Variants in PLS1 observed in about 807,000 individuals in gnomAD.
PLS1 encodes the protein plastin 1, also known as plastin-1.
Under a neutral mutation model 73.7 loss-of-function variants are expected in PLS1, and 32 were observed. The observed-to-expected ratio is 0.43, with a 90% CI of 0.33 to 0.58. The LOEUF (loss-of-function observed/expected upper bound fraction) is 0.58. Ranked by LOEUF, PLS1 falls within the 20% of genes least tolerant of loss-of-function variation. The pLI, the probability that PLS1 is intolerant of heterozygous loss-of-function variation, is 0.04. For synonymous variants in PLS1, 217 were observed against 261.3 expected, an observed-to-expected ratio of 0.83 and a Z score of 1.63; for missense variants, 633 against 740.5, an observed-to-expected ratio of 0.85 and a Z score of 1.68.
At chr3:142,672,924 AT>A (rs58199967) in intron 4 of PLS1, among the ~76,000 whole-genome samples, 1,703 of 152,096 alleles carry the variant, frequency 0.011, 38 homozygotes, top group African/African-American at 0.039. Context: ...GTCACTCCCC[AT>A]TTCCCTCTTC....
At chr3:142,604,994 G>C (rs2035993995) in intron 1 of PLS1, among the ~76,000 whole-genome samples, 1 of 151,984 alleles carries the variant, frequency 6.6e-6, no homozygotes, top group Non-Finnish European at 1.5e-5. Flanking sequence ...GAAAATCTCT[G>C]AATGTTTAGT....
chr3:142,636,527 A>G (rs936547142), intron 1 of PLS1, among the ~76,000 whole-genome samples: 3 of 152,234 alleles, frequency 2.0e-5, no homozygotes, highest in African/African-American at 7.2e-5. Flanking sequence ...TAAAAATTTC[A>G]AAGATACAAC....
At chr3:142,635,685 C>T (rs905076019) in intron 1 of PLS1, among the ~76,000 whole-genome samples, 8 of 152,082 alleles carry the variant, frequency 5.3e-5, no homozygotes, top group African/African-American at 1.7e-4. Flanking sequence ...CAAAATCAAT[C>T]CTTAGGTTTA....
In PLS1 at chr3:142,686,268, A is replaced by T. The variant is rs1386186949; in HGVS notation, c.889-16A>T. The T allele has an allele frequency of 1.4e-6, 2 of 1,472,730 alleles. No homozygotes were observed. The highest frequency in any genetic ancestry group is 2.3e-5 in the South Asian group (2 of 86,358). The allele number at this position is 1,472,730 out of a possible 1,614,324, so 91.2% of individuals were successfully genotyped here. On this transcript the variant is annotated splice_polypyrimidine_tract_variant and intron_variant, in intron 8 of 15. Transcript: ENST00000457734. ...TTATTCGTTTTAAAAATGCTATTTCATATCTTTCCTTGAAGGACTCGAGAG... is the reference window on the plus strand; with the variant it reads ...TTATTCGTTTTAAAAATGCTATTTCTTATCTTTCCTTGAAGGACTCGAGAG...
chr3:142,647,909 G>A (rs980249709), intron 1 of PLS1, among the ~76,000 whole-genome samples: 1 of 152,128 alleles, frequency 6.6e-6, no homozygotes, highest in African/African-American at 2.4e-5. Context: ...CTGTGTGGAG[G>A]ACTGTGTTGA....
At chr3:142,701,041 T>G (rs2038321513) in intron 12 of PLS1, among the ~76,000 whole-genome samples, 2 of 152,232 alleles carry the variant, frequency 1.3e-5, no homozygotes, top group African/African-American at 4.8e-5. Flanking sequence ...CCTCTTTTTC[T>G]TCCCAGTCTT....
chr3:142,615,919 G>T (rs368648829), intron 1 of PLS1, among the ~76,000 whole-genome samples: 27 of 152,288 alleles, frequency 1.8e-4, no homozygotes, highest in African/African-American at 6.3e-4. Flanking sequence ...CAGACTTTTC[G>T]TCTCCATTCC....
chr3:142,658,393 T>C (rs1050449622), intron 1 of PLS1, among the ~76,000 whole-genome samples: 7 of 151,702 alleles, frequency 4.6e-5, no homozygotes, highest in African/African-American at 1.7e-4. Flanking sequence ...GGAAAATTGC[T>C]TAAACCTGGG....
chr3:142,696,739 AATAATAATAATAATAATAAT>A (rs2038216023), intron 11 of PLS1, among the ~76,000 whole-genome samples: 1 of 148,366 alleles, frequency 6.7e-6, no homozygotes, highest in African/African-American at 2.5e-5. Flanking sequence ...TAATAATAAT[AATAATAATAATAATAATAAT>A]ACCATACTAG....
intron 9 of PLS1, among the ~76,000 whole-genome samples, chr3:142,688,909 A>G (rs575653881): frequency 6.6e-6 from 1 of 152,052 alleles, no homozygotes; most frequent in Non-Finnish European, 1.5e-5. Flanking sequence ...CTTGTTTTTC[A>G]TCAAGAAGAG....
chr3:142,708,407 C>T, intron 14 of PLS1, among the ~76,000 whole-genome samples: 1 of 152,114 alleles, frequency 6.6e-6, no homozygotes, highest in Non-Finnish European at 1.5e-5. Flanking sequence ...CCATCACGCC[C>T]AATTAATTTT....
intron 1 of PLS1, among the ~76,000 whole-genome samples, chr3:142,635,454 T>C (rs1353463448): frequency 6.8e-6 from 1 of 146,900 alleles, no homozygotes. Flanking sequence ...AAAAAAAAAA[T>C]TAGCTGGGCA....
rs567002742 is a variant in PLS1, at chr3:142,703,735, T to G, written c.1372-133T>G. 5.0e-6 allele frequency: 3 copies of G among 601,074 alleles called. No homozygotes were observed. The South Asian group carries it at 7.1e-5, about 14-fold the overall frequency. The allele number at this position is 601,074 out of a possible 1,614,324, so 37.2% of individuals were successfully genotyped here. On this transcript the variant is annotated intron_variant, in intron 12 of 15. Coordinates refer to ENST00000457734, the MANE Select transcript of PLS1 (RefSeq NM_001145319.2). ...AATTATGTCCTTGCTTTCCCTGGGT[T>G]ATTATTATGAAATTGGTCATATAAA... is the stretch of plus-strand genomic sequence containing the variant.
rs1239383378 is a variant in PLS1 at position 142,600,078 on chromosome 3, C to T, written c.-37+3569C>T. On this transcript the variant is annotated intron_variant, in intron 1 of 15. Transcript: ENST00000457734. ...AGATTAATTTGAGTTGGTAGCAAGA[C>T]ACTCCAGTTCAAGATGTTCTGTGGA... 2.6e-5 allele frequency among the ~76,000 whole-genome samples: 4 copies of T among 152,158 alleles called. No individual in the cohort carries two copies. The East Asian group carries it at 7.7e-4, about 29-fold the overall frequency.
chr3:142,625,051 G>A (rs2036393211), intron 1 of PLS1, among the ~76,000 whole-genome samples: 2 of 152,124 alleles, frequency 1.3e-5, no homozygotes. Context: ...TGTTACTAAT[G>A]GTTTGGCCTT....
At chr3:142,697,416 A>T (rs2038234499) in intron 11 of PLS1, among the ~76,000 whole-genome samples, 1 of 152,112 alleles carries the variant, frequency 6.6e-6, no homozygotes, top group African/African-American at 2.4e-5. Context: ...AAAACATTCC[A>T]CCCTTACTCT....
intron 5 of PLS1, 82 bp from the exon 6 acceptor site, chr3:142,677,950 T>G: frequency 1.6e-6 from 1 of 634,134 alleles, no homozygotes; most frequent in East Asian, 3.3e-5. Context: ...TTTTCAAAAT[T>G]TATCTATTTT....
chr3:142,658,939 G>T (rs1406508735), intron 1 of PLS1, among the ~76,000 whole-genome samples: 1 of 152,070 alleles, frequency 6.6e-6, no homozygotes, highest in Non-Finnish European at 1.5e-5. Flanking sequence ...TAAGAACTTG[G>T]GCACTAGAAA....
intron 12 of PLS1, 126 bp downstream of exon 12, chr3:142,698,193 T>A: frequency 3.5e-6 from 2 of 579,146 alleles, no homozygotes; most frequent in Non-Finnish European, 6.1e-6. Flanking sequence ...GTGTTAAGCT[T>A]AATAGCCTTT....
Sources: allele counts gnomAD v4.1 joint callset (sites outside exome capture counted in the v4.1 genomes callset), GRCh38; gene constraint gnomAD v4.1.1; transcripts MANE v1.5; gene names NCBI Gene and HGNC (gene_info 2026-07-23, HGNC 2026-07-21).